The following IL15 variants were observed in gnomAD, a reference collection of about 807,000 sequenced individuals.
The protein encoded by IL15 is interleukin 15.
In IL15, 11 loss-of-function variants were observed where a neutral mutation model predicts 19.6. The ratio of observed to expected loss-of-function variants is 0.56; its 90% CI spans 0.35 to 0.93. The LOEUF (loss-of-function observed/expected upper bound fraction) is 0.93, where lower values mean the gene tolerates loss of function less well. IL15 is among the 40% of genes least tolerant of loss of function. The pLI is 0.01. For missense variants in IL15, 197 were observed against 186.5 expected, an observed-to-expected ratio of 1.06 and a Z score of -0.33; for synonymous variants, 58 against 59.6, an observed-to-expected ratio of 0.97 and a Z score of 0.12.
At chr4:141,729,766 CT>C in intron 6 of IL15, 80 bp from the exon 7 acceptor site, 1 of 780,438 alleles carries the variant, frequency 1.3e-6, no homozygotes, top group South Asian at 1.8e-5. Context: ...TTTGGATTGA[CT>C]TTTTGAAAAT....
At chr4:141,650,182 A>G (rs533450300) in intron 1 of IL15, among the ~76,000 whole-genome samples, 5 of 151,846 alleles carry the variant, frequency 3.3e-5, no homozygotes, top group African/African-American at 1.2e-4. Flanking sequence ...GTGAGCCAGG[A>G]TGAAATGGAG....
chr4:141,641,021 T>G (rs914657902), intron 1 of IL15, among the ~76,000 whole-genome samples: 11 of 152,150 alleles, frequency 7.2e-5, no homozygotes, highest in Admixed American at 1.3e-4. Flanking sequence ...CTTTGGTCCC[T>G]TATATCACTG....
chr4:141,687,155 C>T (rs1367463210), intron 2 of IL15, among the ~76,000 whole-genome samples: 1 of 152,140 alleles, frequency 6.6e-6, no homozygotes, highest in Non-Finnish European at 1.5e-5. Context: ...TGGTCTCAGA[C>T]AGGCCAGTGC....
chr4:141,656,151 A>G, intron 1 of IL15, 35 bp from the exon 2 acceptor site: 1 of 398,258 alleles, frequency 2.5e-6, no homozygotes, highest in Non-Finnish European at 4.4e-6. Context: ...ATACATAATT[A>G]TTAATCCTCT....
intron 2 of IL15, among the ~76,000 whole-genome samples, chr4:141,687,677 G>T (rs1321864096): frequency 1.3e-5 from 2 of 151,980 alleles, no homozygotes; most frequent in Non-Finnish European, 2.9e-5. Flanking sequence ...TAAAACCCTA[G>T]GAATTTTGCA....
chr4:141,703,875 G>A (rs1433938623), intron 2 of IL15, among the ~76,000 whole-genome samples: 1 of 151,626 alleles, frequency 6.6e-6, no homozygotes, highest in African/African-American at 2.4e-5. Flanking sequence ...ATTCATTATT[G>A]GTGTATAGAA....
chr4:141,697,707 C>A (rs1394070157), intron 2 of IL15, among the ~76,000 whole-genome samples: 5 of 151,902 alleles, frequency 3.3e-5, no homozygotes, highest in African/African-American at 9.7e-5. Flanking sequence ...TGTAGTTTTC[C>A]TTGTAGAGGT....
chr4:141,706,930 A>C (rs1729535259), intron 2 of IL15, among the ~76,000 whole-genome samples: 1 of 152,158 alleles, frequency 6.6e-6, no homozygotes, highest in South Asian at 2.1e-4. Context: ...CAGCTTCCTG[A>C]ATCTAGATGT....
At chr4:141,693,959 AC>A (rs1729009135) in intron 2 of IL15, among the ~76,000 whole-genome samples, 1 of 152,248 alleles carries the variant, frequency 6.6e-6, no homozygotes, top group Non-Finnish European at 1.5e-5. Context: ...TATAGGTATT[AC>A]TGATATGAAT....
At chr4:141,639,121 T>C (rs1030214097) in intron 1 of IL15, among the ~76,000 whole-genome samples, 29 of 152,326 alleles carry the variant, frequency 1.9e-4, no homozygotes, top group Non-Finnish European at 2.8e-4. Flanking sequence ...AATAAACTTA[T>C]GTGGTAGGCA....
At chr4:141,690,459 G>A (rs1728874101) in intron 2 of IL15, among the ~76,000 whole-genome samples, 1 of 152,150 alleles carries the variant, frequency 6.6e-6, no homozygotes, top group South Asian at 2.1e-4. Context: ...AAACCTATTA[G>A]TCATCCTAGA....
intron 2 of IL15, among the ~76,000 whole-genome samples, chr4:141,705,124 G>A (rs1259634548): frequency 6.6e-6 from 1 of 151,336 alleles, no homozygotes; most frequent in African/African-American, 2.4e-5. Flanking sequence ...ACCAATTTTG[G>A]GTTTAGTTTG....
chr4:141,675,070 G>T lies in IL15; in HGVS notation c.-100+18763G>T, dbSNP rs574672671. On this transcript the variant is annotated intron_variant, in intron 2 of 7. Transcript: ENST00000320650. ...ATTCCACTTGAACCTCGAACAACATGGGTTTCAGCTGCAGGTCCACTTATA... is the reference window on the plus strand; with the variant it reads ...ATTCCACTTGAACCTCGAACAACATTGGTTTCAGCTGCAGGTCCACTTATA... Among the ~76,000 whole-genome samples, 118 of 151,910 alleles carry T rather than the reference G, an allele frequency of 7.8e-4. 2 individuals carry two copies. Among genetic ancestry groups the T allele is most frequent in the Admixed American group, 3.9e-3 (60 of 15,256 alleles).
chr4:141,663,713 A>G (rs1727869403), intron 2 of IL15, among the ~76,000 whole-genome samples: 1 of 152,150 alleles, frequency 6.6e-6, no homozygotes, highest in African/African-American at 2.4e-5. Context: ...CAACTGTTAC[A>G]TGGAAAGGTC....
intron 2 of IL15, among the ~76,000 whole-genome samples, chr4:141,709,395 T>C (rs1729639007): frequency 6.6e-6 from 1 of 152,214 alleles, no homozygotes; most frequent in South Asian, 2.1e-4. Flanking sequence ...ATTGTGTTTT[T>C]AAAATTTGCC....
chr4:141,682,874 C>T (rs1408684433), intron 2 of IL15, among the ~76,000 whole-genome samples: 1 of 151,894 alleles, frequency 6.6e-6, no homozygotes, highest in Non-Finnish European at 1.5e-5. Context: ...ATGGCATGAA[C>T]CCGGGAGGCA....
Position 141,656,195 on chromosome 4 carries a change from C to A in IL15, c.-212C>A, listed in dbSNP as rs141293383. 7 of 398,216 alleles carry A rather than the reference C, an allele frequency of 1.8e-5. No individual in the cohort carries two copies. Among genetic ancestry groups the A allele is most frequent in the Non-Finnish European group, 3.1e-5 (7 of 225,900 alleles). 24.7% of individuals were successfully genotyped at this position (398,216 alleles called of 1,614,324 possible). On this transcript the variant is annotated 5_prime_UTR_variant, in exon 2 of 8. Coordinates refer to ENST00000320650, the MANE Select transcript of IL15 (RefSeq NM_000585.5). The stretch of plus-strand genomic sequence containing the variant: ...CCTTTGACTCTTACAGAATCCATTC[C>A]AATATATGGCCATGTGGCTCTTTGG...
intron 5 of IL15, among the ~76,000 whole-genome samples, chr4:141,723,141 C>A (rs1335238649): frequency 6.6e-6 from 1 of 152,114 alleles, no homozygotes; most frequent in Non-Finnish European, 1.5e-5. Context: ...ACTTCTAGTA[C>A]AATGACATAC....
At chr4:141,683,008 C>G (rs776610869) in intron 2 of IL15, among the ~76,000 whole-genome samples, 10 of 150,732 alleles carry the variant, frequency 6.6e-5, no homozygotes, top group Non-Finnish European at 1.5e-4. Flanking sequence ...CGGTGGCTCA[C>G]GCCTGTAATC....
Sources: allele counts gnomAD v4.1 joint callset (sites outside exome capture counted in the v4.1 genomes callset), GRCh38; gene constraint gnomAD v4.1.1; transcripts MANE v1.5; gene names NCBI Gene and HGNC (gene_info 2026-07-23, HGNC 2026-07-21).